The following DOCK8 variants were observed in gnomAD, a reference collection of about 807,000 sequenced individuals.
DOCK8 encodes the protein dedicator of cytokinesis protein 8.
In DOCK8, 141 loss-of-function variants were observed where a neutral mutation model predicts 245.6. That is an observed-to-expected ratio of 0.57 (90% CI 0.50 to 0.66). The LOEUF (loss-of-function observed/expected upper bound fraction) is 0.66. Among genes scored for constraint, DOCK8 ranks in the 30% least tolerant of loss-of-function variants. DOCK8 has a pLI of 0.00. For missense variants in DOCK8, 2,965 were observed against 2,603.4 expected (o/e 1.14, Z -3.02); for synonymous variants, 1,168 against 970.2 (o/e 1.20, Z -3.79).
chr9:432,082 T>A (rs2056733790), intron 36 of DOCK8, 84 bp from the exon 37 acceptor site: 1 of 1,440,806 alleles, frequency 6.9e-7, no homozygotes. Flanking sequence ...AGGAGTTGTT[T>A]GTGTCTGGCC....
chr9:261,997 GAGAAAGAAAGAAAGAAAGAAAGAA>G (rs149792134), intron 1 of DOCK8, among the ~76,000 whole-genome samples: 1 of 146,734 alleles, frequency 6.8e-6, no homozygotes, highest in Non-Finnish European at 1.5e-5. Context: ...AAGAAAGAAG[GAGAAAGAAAGAAAGAAAGAAAGAA>G]AGAAAGAAAG....
Position 451,929 on chromosome 9 carries a change from ATGTG to A in DOCK8, c.5962-80_5962-77del, listed in dbSNP as rs1564085144. On this transcript the variant is annotated intron_variant, in intron 45 of 47. Coordinates refer to ENST00000432829, the MANE Select transcript of DOCK8 (RefSeq NM_203447.4). ...TACATATGCATATACATATATATGT[ATGTG>A]TATATATATATGTGTGTGTGTGTAT... 131 of 316,702 alleles carry A rather than the reference ATGTG, an allele frequency of 4.1e-4. 1 individual carries two copies. The highest frequency in any genetic ancestry group is 2.5e-3 in the South Asian group (49 of 19,390). 19.6% of individuals were successfully genotyped at this position (316,702 alleles called of 1,614,324 possible).
Position 269,552 on chromosome 9 carries a change from CTTTT to C in DOCK8, c.54-2057_54-2054del, listed in dbSNP as rs57326015. Among the ~76,000 whole-genome samples the C allele has an allele frequency of 4.8e-5, 5 of 104,992 alleles. No homozygotes were observed. The East Asian group carries it at 1.1e-3, about 22-fold the overall frequency. The allele number at this position is 104,992 out of a possible 152,430, so 68.9% of individuals were successfully genotyped here. A position where few individuals can be genotyped will look rare whatever the true frequency, so the allele number is the denominator to read the frequency against. ...AGTTTTTGTGGGGAAGTGTGGTTGTCTTTTTTTTTTTTTTTTTTTTTGCAACAGA... is the reference window on the plus strand; with the variant it reads ...AGTTTTTGTGGGGAAGTGTGGTTGTCTTTTTTTTTTTTTTTTTGCAACAGA... On this transcript the variant is annotated intron_variant, in intron 1 of 47. Transcript: ENST00000432829.
At chr9:424,029 G>A (rs558936601) in intron 33 of DOCK8, among the ~76,000 whole-genome samples, 1 of 150,222 alleles carries the variant, frequency 6.7e-6, no homozygotes, top group African/African-American at 2.4e-5. Context: ...CAGAGCTAAT[G>A]ATTCACATCT....
intron 2 of DOCK8, among the ~76,000 whole-genome samples, chr9:274,735 G>C (rs979146380): frequency 6.6e-6 from 1 of 152,154 alleles, no homozygotes. Flanking sequence ...AGGCAAAGGA[G>C]TAGTTTATCA....
chr9:281,247 CAAAA>C (rs35178052), intron 2 of DOCK8, among the ~76,000 whole-genome samples: 3,673 of 142,526 alleles, frequency 0.026, 76 homozygotes, highest in South Asian at 0.063. Context: ...GACTCTGTCT[CAAAA>C]AAAAAAAAAG....
intron 36 of DOCK8, 70 bp from the exon 37 acceptor site, chr9:432,096 C>G: frequency 6.5e-7 from 1 of 1,544,448 alleles, no homozygotes; most frequent in Non-Finnish European, 8.9e-7. Context: ...TCTGGCCATG[C>G]TGCTTTCAGT....
intron 24 of DOCK8, among the ~76,000 whole-genome samples, chr9:391,649 A>T (rs2054196151): frequency 6.6e-6 from 1 of 152,170 alleles, no homozygotes; most frequent in African/African-American, 2.4e-5. Flanking sequence ...CAATGTTGAT[A>T]AACAGAGATG....
intron 1 of DOCK8, among the ~76,000 whole-genome samples, chr9:235,242 G>C (rs1156938710): frequency 6.6e-6 from 1 of 152,168 alleles, no homozygotes; most frequent in Non-Finnish European, 1.5e-5. Flanking sequence ...GCTGCTGCCT[G>C]ATTGTTCCTC....
At chr9:280,087 T>C in intron 2 of DOCK8, among the ~76,000 whole-genome samples, 1 of 152,214 alleles carries the variant, frequency 6.6e-6, no homozygotes, top group East Asian at 1.9e-4. Context: ...AATCTTACCC[T>C]TTGTCAGGAG....
At chr9:223,453 G>C (rs930943796) in intron 1 of DOCK8, among the ~76,000 whole-genome samples, 11 of 152,068 alleles carry the variant, frequency 7.2e-5, no homozygotes, top group African/African-American at 2.7e-4. Flanking sequence ...GAAAAAGAAA[G>C]GCACTTTCCC....
intron 14 of DOCK8, among the ~76,000 whole-genome samples, chr9:367,659 C>G (rs187568704): frequency 2.0e-5 from 3 of 152,318 alleles, no homozygotes; most frequent in African/African-American, 4.8e-5. Flanking sequence ...AGGCCATTAT[C>G]TATGGCCATG....
intron 29 of DOCK8, among the ~76,000 whole-genome samples, chr9:416,417 A>C (rs932206651): frequency 4.5e-4 from 68 of 152,232 alleles, no homozygotes; most frequent in African/African-American, 1.6e-3. Flanking sequence ...TTTCTTGTCA[A>C]TTAGAATATT....
rs1250945375 is a variant in DOCK8, at chr9:446,354, G to T, written c.5581-16G>T. ...AGAATAGCTCATCTTCTCCCTCCGT[G>T]CCTTTTCCCCCTTAGGCCTACATAC... On this transcript the variant is annotated splice_polypyrimidine_tract_variant and intron_variant, in intron 43 of 47. Coordinates refer to ENST00000432829, the MANE Select transcript of DOCK8 (RefSeq NM_203447.4). 4 of 1,607,326 alleles carry T rather than the reference G, an allele frequency of 2.5e-6. No individual in the cohort carries two copies. The Admixed American group carries it at 6.7e-5, about 27-fold the overall frequency.
Position 379,800 on chromosome 9 carries a change from G to A in DOCK8, c.2470G>A (p.Val824Met), listed in dbSNP as rs746434765. The A allele has an allele frequency of 1.5e-5, 24 of 1,614,052 alleles. No individual in the cohort carries two copies. The highest frequency in any genetic ancestry group is 6.6e-5 in the South Asian group (6 of 91,084). The change falls in exon 21 of 48, where the codon GTG becomes ATG. Residue 824 changes from valine (V) to methionine (M), a missense_variant. Physicochemically the swap from Val to Met is conservative, Grantham distance 21. Transcript: ENST00000432829. Reference sequence around the variant, plus strand: ...CTTCTCCCAGTTTGCCTTCGAGTCCGTGGTGGCCATCGCCAACAGTCTGCA... The same window carrying A: ...CTTCTCCCAGTTTGCCTTCGAGTCCATGGTGGCCATCGCCAACAGTCTGCA... ...ANFSQFAFES[V>M]VAIANSLHNS...
chr9:315,750 A>G (rs968986430), intron 6 of DOCK8, among the ~76,000 whole-genome samples: 8 of 152,190 alleles, frequency 5.3e-5, no homozygotes, highest in Admixed American at 2.6e-4. Context: ...TCTTCATTGC[A>G]TTGCTCTCTC....
At position 449,700 on chromosome 9, in the gene DOCK8, G is replaced by C. The variant is rs2031946; in HGVS notation, c.5818-84G>C. On this transcript the variant is annotated intron_variant, in intron 44 of 47. Transcript: ENST00000432829. ...TCCCTAGCTGCCTCTTCAAATTCAG[G>C]TGGCCTCTCTGTCATAGCTCCAGGC... The C allele has an allele frequency of 7.9e-4, 1,242 of 1,576,620 alleles. 28 individuals carry two copies. The East Asian group carries it at 0.026, about 33-fold the overall frequency.
chr9:400,231 A>T (rs1199322414), intron 26 of DOCK8, among the ~76,000 whole-genome samples: 7 of 107,106 alleles, frequency 6.5e-5, no homozygotes, highest in Non-Finnish European at 1.2e-4. Context: ...CACCACCTCC[A>T]CCATCACCAC....
intron 46 of DOCK8, chr9:460,551 T>C (rs1191313994): frequency 6.6e-6 from 1 of 152,262 alleles, no homozygotes; most frequent in Non-Finnish European, 1.5e-5. Flanking sequence ...GCCATATGCC[T>C]TCCCTTCTAT....
Sources: gnomAD v4.1 joint callset for allele counts (sites outside exome capture counted in the v4.1 genomes callset) on GRCh38, gnomAD v4.1.1 for gene constraint, MANE v1.5 for transcripts, NCBI Gene and HGNC (gene_info 2026-07-23, HGNC 2026-07-21) for gene names.